The following SOX6 variants were observed in gnomAD, a reference collection of about 807,000 sequenced individuals.
SOX6 encodes the protein SRY-box transcription factor 6.
A neutral mutation model predicts 97.8 loss-of-function variants in SOX6; 11 were observed. That is an observed-to-expected ratio of 0.11 (90% CI 0.07 to 0.19). The LOEUF is 0.19. Among genes scored for constraint, SOX6 ranks in the 10% least tolerant of loss-of-function variants. The pLI is 1.00. For synonymous variants in SOX6, 360 were observed against 371.4 expected (o/e 0.97, Z 0.35); for missense variants, 810 against 1,039.5 (o/e 0.78, Z 3.04).
intron 3 of SOX6, among the ~76,000 whole-genome samples, chr11:16,615,019 T>G (rs896985715): frequency 6.6e-6 from 1 of 152,068 alleles, no homozygotes; most frequent in African/African-American, 2.4e-5. Context: ...AAATGTCTTC[T>G]CCAATAAAAG....
intron 3 of SOX6, among the ~76,000 whole-genome samples, chr11:16,256,859 G>A (rs1360190402): frequency 2.0e-5 from 3 of 151,730 alleles, no homozygotes; most frequent in East Asian, 1.9e-4. Flanking sequence ...TAATTATAGC[G>A]AGGTTGCAAA....
chr11:16,070,827 A>T (rs1848206269), intron 9 of SOX6, among the ~76,000 whole-genome samples: 1 of 152,156 alleles, frequency 6.6e-6, no homozygotes, highest in Non-Finnish European at 1.5e-5. Context: ...GAATGGGAGA[A>T]TCCTCCTAAC....
chr11:16,151,127 C>T (rs912859986), intron 6 of SOX6, among the ~76,000 whole-genome samples: 4 of 152,070 alleles, frequency 2.6e-5, no homozygotes, highest in Non-Finnish European at 5.9e-5. Flanking sequence ...TTTTCTTTGA[C>T]ATATGCAATA....
At chr11:16,482,419 T>C (rs1860360019) in intron 4 of SOX6, among the ~76,000 whole-genome samples, 1 of 152,240 alleles carries the variant, frequency 6.6e-6, no homozygotes, top group Non-Finnish European at 1.5e-5. Context: ...AAAACCACGT[T>C]TCTTAATATC....
At chr11:16,164,815 G>C (rs1200307175) in intron 6 of SOX6, among the ~76,000 whole-genome samples, 7 of 145,778 alleles carry the variant, frequency 4.8e-5, no homozygotes, top group African/African-American at 1.5e-4. Context: ...AGCGAGACTT[G>C]GTATCAAAAA....
At chr11:16,060,519 T>G (rs188338555) in intron 9 of SOX6, among the ~76,000 whole-genome samples, 2 of 152,060 alleles carry the variant, frequency 1.3e-5, no homozygotes, top group Non-Finnish European at 2.9e-5. Context: ...AGATAGAAGG[T>G]ATTCACAAAA....
At chr11:15,984,029 C>A (rs1244301753) in intron 15 of SOX6, among the ~76,000 whole-genome samples, 2 of 152,074 alleles carry the variant, frequency 1.3e-5, no homozygotes, top group Non-Finnish European at 2.9e-5. Context: ...ATGATGGGGG[C>A]CAATACCTGA....
intron 12 of SOX6, among the ~76,000 whole-genome samples, chr11:16,015,713 G>T (rs1438738416): frequency 6.6e-6 from 1 of 151,976 alleles, no homozygotes; most frequent in African/African-American, 2.4e-5. Context: ...CTAGGAGTAG[G>T]AGTCTGAAGC....
At chr11:16,588,525 TAA>T (rs934377593) in intron 4 of SOX6, among the ~76,000 whole-genome samples, 6 of 152,154 alleles carry the variant, frequency 3.9e-5, no homozygotes, top group Admixed American at 3.9e-4. Context: ...TGATTTTATC[TAA>T]ATCCAAGGAA....
intron 3 of SOX6, among the ~76,000 whole-genome samples, chr11:16,234,934 T>A (rs976139058): frequency 1.3e-5 from 2 of 152,038 alleles, no homozygotes; most frequent in African/African-American, 4.8e-5. Flanking sequence ...ATTATAATTC[T>A]ATTAATATTC....
intron 12 of SOX6, among the ~76,000 whole-genome samples, chr11:16,015,569 G>C (rs1281447718): frequency 6.6e-6 from 1 of 151,968 alleles, no homozygotes; most frequent in Admixed American, 6.6e-5. Flanking sequence ...TTTTGTCTCA[G>C]AATTTCAACT....
intron 4 of SOX6, among the ~76,000 whole-genome samples, chr11:16,494,207 T>C (rs1007549725): frequency 5.9e-5 from 9 of 151,912 alleles, no homozygotes; most frequent in Non-Finnish European, 1.2e-4. Flanking sequence ...TGAAACCCCA[T>C]CTCCACTAAA....
chr11:16,660,451 G>C (rs920813568), intron 3 of SOX6, among the ~76,000 whole-genome samples: 4 of 152,274 alleles, frequency 2.6e-5, no homozygotes, highest in East Asian at 1.9e-4. Flanking sequence ...TGTGGTCTGA[G>C]AGCATGTTTC....
chr11:16,361,295 G>C (rs1283491206), upstream of SOX6, among the ~76,000 whole-genome samples: 1 of 151,962 alleles, frequency 6.6e-6, no homozygotes, highest in African/African-American at 2.4e-5. Flanking sequence ...TCACTCAATA[G>C]ATGTTGTAAT....
chr11:16,111,660 A>G lies in SOX6; in HGVS notation c.898+143T>C, dbSNP rs1191524379. On this transcript the variant is annotated intron_variant, in intron 7 of 15. Transcript: ENST00000683767. ...GTTTATTACAATGCCCACTCTTCCC[A>G]ATTCTAATTTTACTTTAAAATAAGC... 3 of 1,135,808 alleles carry G rather than the reference A, an allele frequency of 2.6e-6. No homozygotes were observed. In the African/African-American group the frequency reaches 4.7e-5, roughly 18 times the overall value. 70.4% of individuals were successfully genotyped at this position (1,135,808 alleles called of 1,614,324 possible).
intron 1 of SOX6, among the ~76,000 whole-genome samples, chr11:16,346,855 T>A (rs1856789491): frequency 6.6e-6 from 1 of 152,022 alleles, no homozygotes; most frequent in Non-Finnish European, 1.5e-5. Context: ...AATTAATGGA[T>A]TCTGACTTTT....
At chr11:15,987,662 T>C (rs563806061) in intron 14 of SOX6, among the ~76,000 whole-genome samples, 150 of 147,362 alleles carry the variant, frequency 1.0e-3, no homozygotes, top group Non-Finnish European at 1.7e-3. Flanking sequence ...AAGTTAGATA[T>C]AAAACTGTAA....
intron 4 of SOX6, among the ~76,000 whole-genome samples, chr11:16,217,938 A>G (rs958208740): frequency 3.3e-5 from 5 of 152,102 alleles, no homozygotes; most frequent in African/African-American, 1.2e-4. Context: ...CTTCTAAAAC[A>G]TGGTGAAGTC....
intron 2 of SOX6, among the ~76,000 whole-genome samples, chr11:16,716,447 G>C (rs1848220337): frequency 1.3e-5 from 2 of 152,136 alleles, no homozygotes; most frequent in African/African-American, 2.4e-5. Flanking sequence ...TTCTGAGAAA[G>C]TTCACATGCT....
Sources: allele counts gnomAD v4.1 joint callset (sites outside exome capture counted in the v4.1 genomes callset), GRCh38; gene constraint gnomAD v4.1.1; transcripts MANE v1.5; gene names NCBI Gene and HGNC (gene_info 2026-07-23, HGNC 2026-07-21).